SOCS2: variants seen among roughly 807,000 people sequenced by gnomAD.
The protein encoded by SOCS2 is CIS-2.
A neutral mutation model predicts 18.6 loss-of-function variants in SOCS2; 10 were observed. That is an observed-to-expected ratio of 0.54 (90% CI 0.33 to 0.91). The LOEUF (loss-of-function observed/expected upper bound fraction) is 0.91, where lower values mean the gene tolerates loss of function less well. Among genes scored for constraint, SOCS2 ranks in the 40% least tolerant of loss-of-function variants. The pLI is 0.02. For synonymous variants in SOCS2, 104 were observed against 104.0 expected (o/e 1.00, Z 0.00); for missense variants, 231 against 247.2 (o/e 0.93, Z 0.44).
chr12:93,588,911 C>T, the SOCS2 span, among the ~76,000 whole-genome samples: 5 of 152,108 alleles, frequency 3.3e-5, no homozygotes, highest in African/African-American at 9.7e-5. Flanking sequence ...CGTGAGCCAC[C>T]GCGCCTGGCC....
the SOCS2 span, among the ~76,000 whole-genome samples, chr12:93,592,492 T>C: frequency 6.6e-6 from 1 of 152,236 alleles, no homozygotes; most frequent in Non-Finnish European, 1.5e-5. Flanking sequence ...AACATATATG[T>C]TGAGTACATT....
At chr12:93,623,576 A>G in the SOCS2 span, among the ~76,000 whole-genome samples, 1 of 152,154 alleles carries the variant, frequency 6.6e-6, no homozygotes, top group Non-Finnish European at 1.5e-5. Context: ...GCACCAACCA[A>G]TATTTATGGT....
chr12:93,592,946 G>A, the SOCS2 span, among the ~76,000 whole-genome samples: 1 of 130,172 alleles, frequency 7.7e-6, no homozygotes, highest in Admixed American at 8.5e-5. Context: ...TTTGGTATGT[G>A]TAATAATATC....
the SOCS2 span, among the ~76,000 whole-genome samples, chr12:93,607,502 G>GC: frequency 0.065 from 9,918 of 152,188 alleles, 828 homozygotes; most frequent in African/African-American, 0.2. Context: ...AAGAACACAA[G>GC]ATACCTGCTG....
Position 93,572,878 on chromosome 12 carries a change from G to A in SOCS2, c.-20G>A, listed in dbSNP as rs1954305178. On this transcript the variant is annotated 5_prime_UTR_variant, in exon 1 of 2. Coordinates refer to ENST00000551556, the MANE Select transcript of SOCS2 (RefSeq NM_001270471.2). The surrounding 1 kb of genome is among the most constrained non-coding windows in gnomAD (Gnocchi z 5.0). Reference sequence around the variant, plus strand: ...CCAGCTCGGGCGGCCACCTGTCTTTGCCGCGGTGACCCTTCTCTCATGACC... The same window carrying A: ...CCAGCTCGGGCGGCCACCTGTCTTTACCGCGGTGACCCTTCTCTCATGACC... The A allele has an allele frequency of 1.3e-6, 2 of 1,564,940 alleles. No individual in the cohort carries two copies. Among genetic ancestry groups the A allele is most frequent in the Non-Finnish European group, 1.7e-6 (2 of 1,154,150 alleles).
the SOCS2 span, among the ~76,000 whole-genome samples, chr12:93,609,498 AC>A: frequency 6.6e-6 from 1 of 151,664 alleles, no homozygotes; most frequent in Non-Finnish European, 1.5e-5. Flanking sequence ...TAAATTAATT[AC>A]ATTGATTTAC....
chr12:93,571,971 G>A, upstream of SOCS2: 1 of 281,920 alleles, frequency 3.5e-6, no homozygotes, highest in Non-Finnish European at 7.1e-6. Context: ...CCGCCCGCTC[G>A]GCCCCGGCCT....
the SOCS2 span, among the ~76,000 whole-genome samples, chr12:93,612,758 A>T: frequency 2.0e-5 from 3 of 152,188 alleles, no homozygotes; most frequent in Non-Finnish European, 4.4e-5. Flanking sequence ...TGAATCAATG[A>T]ATCAATGGTG....
At chr12:93,607,897 A>G in the SOCS2 span, among the ~76,000 whole-genome samples, 1 of 151,896 alleles carries the variant, frequency 6.6e-6, no homozygotes, top group East Asian at 1.9e-4. Flanking sequence ...GTGGGGCTTT[A>G]TTACAGTTAC....
At chr12:93,614,929 T>A in the SOCS2 span, among the ~76,000 whole-genome samples, 2 of 149,814 alleles carry the variant, frequency 1.3e-5, no homozygotes, top group Admixed American at 1.3e-4. Context: ...TATGTAGCAA[T>A]TTTCTATTTA....
At chr12:93,600,687 T>G in the SOCS2 span, among the ~76,000 whole-genome samples, 2 of 151,944 alleles carry the variant, frequency 1.3e-5, no homozygotes, top group Non-Finnish European at 2.9e-5. Flanking sequence ...GTATTTCCTT[T>G]GTTAAATCTG....
At chr12:93,610,531 G>T in the SOCS2 span, among the ~76,000 whole-genome samples, 1 of 152,268 alleles carries the variant, frequency 6.6e-6, no homozygotes, top group South Asian at 2.1e-4. Flanking sequence ...TTCCTCCAAA[G>T]TCCATATGTT....
At chr12:93,595,161 G>A in the SOCS2 span, among the ~76,000 whole-genome samples, 1 of 152,078 alleles carries the variant, frequency 6.6e-6, no homozygotes, top group African/African-American at 2.4e-5. Flanking sequence ...AGTCTTACTC[G>A]TTACTGAAAA....
At position 93,572,880 on chromosome 12, in the gene SOCS2, C is replaced by T; in HGVS notation, c.-18C>T. ...AGCTCGGGCGGCCACCTGTCTTTGC[C>T]GCGGTGACCCTTCTCTCATGACCCT... is the stretch of plus-strand genomic sequence containing the variant. On this transcript the variant is annotated 5_prime_UTR_variant, in exon 1 of 2. Transcript: ENST00000551556. The surrounding 1 kb of genome is among the most constrained non-coding windows in gnomAD (Gnocchi z 5.0). 6.4e-7 allele frequency: 1 copy of T among 1,565,604 alleles called. No homozygotes were observed. The highest frequency in any genetic ancestry group is 1.7e-4 in the Middle Eastern group (1 of 6,008).
At chr12:93,615,284 G>T in the SOCS2 span, among the ~76,000 whole-genome samples, 1 of 152,186 alleles carries the variant, frequency 6.6e-6, no homozygotes, top group Admixed American at 6.5e-5. Flanking sequence ...TACAGCTCTT[G>T]AGATGTAAGA....
the SOCS2 span, among the ~76,000 whole-genome samples, chr12:93,597,007 C>T: frequency 6.6e-6 from 1 of 152,150 alleles, no homozygotes; most frequent in African/African-American, 2.4e-5. Context: ...TTAAAAATTT[C>T]AAAAGAATTA....
At chr12:93,580,405 T>C (rs1379384338), downstream of SOCS2, among the ~76,000 whole-genome samples, 1 of 151,992 alleles carries the variant, frequency 6.6e-6, no homozygotes, top group Non-Finnish European at 1.5e-5. Context: ...ACGGATCACT[T>C]GAGGTCAGGA....
the SOCS2 span, among the ~76,000 whole-genome samples, chr12:93,622,095 T>C: frequency 3.3e-5 from 5 of 152,210 alleles, no homozygotes; most frequent in African/African-American, 1.2e-4. Context: ...CACAATTTTC[T>C]TTAGTTTGAG....
At chr12:93,586,661 G>GT (rs987977094), downstream of SOCS2, among the ~76,000 whole-genome samples, 3 of 151,902 alleles carry the variant, frequency 2.0e-5, no homozygotes, top group African/African-American at 2.4e-5. Context: ...ACACAATTCA[G>GT]TTTTTTCCTT....
Sources: gnomAD v4.1 joint callset for allele counts (sites outside exome capture counted in the v4.1 genomes callset) on GRCh38, gnomAD v4.1.1 for gene constraint, Gnocchi (gnomAD v3.1) non-coding constraint, MANE v1.5 for transcripts, NCBI Gene and HGNC (gene_info 2026-07-23, HGNC 2026-07-21) for gene names.